HMGCS1: variants seen among roughly 807,000 people sequenced by gnomAD.
HMGCS1 encodes the protein 3-hydroxy-3-methylglutaryl-CoA synthase 1.
A neutral mutation model predicts 52.3 loss-of-function variants in HMGCS1; 9 were observed. The ratio of observed to expected loss-of-function variants is 0.17; its 90% CI spans 0.10 to 0.30. The LOEUF is 0.30. HMGCS1 is among the 10% of genes least tolerant of loss of function. HMGCS1 has a pLI of 1.00. For missense variants in HMGCS1, 320 were observed against 620.9 expected (o/e 0.52, Z 5.15); for synonymous variants, 176 against 214.4 (o/e 0.82, Z 1.57).
In HMGCS1 at chr5:43,298,032, TTTGGCCCAA is replaced by T; in HGVS notation, c.542_550del (p.Ile181_Pro183del). ...ACCTCGTTCAAAAATTAAAGGAGCA[TTTGGCCCAA>T]TTAGCAGAGCTACTGCTCCAACTCC... On this transcript the variant is annotated inframe_deletion, in exon 4 of 11. Coordinates refer to ENST00000325110, the MANE Select transcript of HMGCS1 (RefSeq NM_001098272.3). This position sits in a 1 kb window ranked among gnomAD's most constrained non-coding sequence, Gnocchi z 5.6. 3 of 1,613,834 alleles carry T rather than the reference TTTGGCCCAA, an allele frequency of 1.9e-6. No homozygotes were observed. The highest frequency in any genetic ancestry group is 2.5e-6 in the Non-Finnish European group (3 of 1,179,894).
chr5:43,299,287 G>A (rs546029629), intron 2 of HMGCS1, among the ~76,000 whole-genome samples: 2 of 152,168 alleles, frequency 1.3e-5, no homozygotes, highest in Non-Finnish European at 2.9e-5. Context: ...GTAAAGAACT[G>A]TAAGATAAAA....
chr5:43,304,802 G>C (rs148834394), intron 2 of HMGCS1, among the ~76,000 whole-genome samples: 1 of 152,172 alleles, frequency 6.6e-6, no homozygotes, highest in Non-Finnish European at 1.5e-5. Context: ...CTCATTCTCT[G>C]AGGGTTTCTG....
In HMGCS1 at chr5:43,298,246, A is replaced by G; in HGVS notation, c.449-112T>C. 1 of 1,009,208 alleles carries G rather than the reference A, an allele frequency of 9.9e-7. No individual in the cohort carries two copies. The highest frequency in any genetic ancestry group is 1.4e-6 in the Non-Finnish European group (1 of 698,622). 62.5% of individuals were successfully genotyped at this position (1,009,208 alleles called of 1,614,324 possible). A position where few individuals can be genotyped will look rare whatever the true frequency, so the allele number is the denominator to read the frequency against. On this transcript the variant is annotated intron_variant, in intron 3 of 10. Transcript: ENST00000325110. The surrounding 1 kb of genome is among the most constrained non-coding windows in gnomAD (Gnocchi z 5.6). ...AATATGCTTTTCCCTTCTTTGATAA[A>G]GAAAGAAAATGCTCTAATTTTTTTT...
intron 1 of HMGCS1, among the ~76,000 whole-genome samples, chr5:43,310,880 C>T (rs1754827400): frequency 6.6e-6 from 1 of 152,198 alleles, no homozygotes. Context: ...CAATCATTCC[C>T]ATATGCACCC....
At position 43,298,485 on chromosome 5, in the gene HMGCS1, T is replaced by C. The variant is rs752633454; in HGVS notation, c.448+33A>G. On this transcript the variant is annotated intron_variant, in intron 3 of 10. Coordinates refer to ENST00000325110, the MANE Select transcript of HMGCS1 (RefSeq NM_001098272.3). This position sits in a 1 kb window ranked among gnomAD's most constrained non-coding sequence, Gnocchi z 5.6. Reference sequence around the variant, plus strand: ...TCTATTGAACCTTAGAAAAAAATTTTGGGGGACGGCGGGGAATAGGCATGT... The same window carrying C: ...TCTATTGAACCTTAGAAAAAAATTTCGGGGGACGGCGGGGAATAGGCATGT... The C allele has an allele frequency of 6.4e-7, 1 of 1,555,552 alleles. No homozygotes were observed.
intron 2 of HMGCS1, among the ~76,000 whole-genome samples, chr5:43,299,859 A>G (rs539426115): frequency 6.6e-6 from 1 of 152,342 alleles, no homozygotes; most frequent in East Asian, 1.9e-4. Context: ...AGGTTGTATT[A>G]GTCAGGAAAA....
chr5:43,290,772 TA>T lies in HMGCS1; in HGVS notation c.*358del, dbSNP rs1753721069. The T allele has an allele frequency of 5.9e-6, 1 of 169,698 alleles. No individual in the cohort carries two copies. Among genetic ancestry groups the T allele is most frequent in the African/African-American group, 2.4e-5 (1 of 42,244 alleles). The allele number at this position is 169,698 out of a possible 1,614,324, so 10.5% of individuals were successfully genotyped here. On this transcript the variant is annotated 3_prime_UTR_variant, in exon 11 of 11. Transcript: ENST00000325110. ...AATTCTTACATGTTAAAAAATTTTT[TA>T]ATTGGAGATTAGTACCTCTGCTTTC... is the stretch of plus-strand genomic sequence containing the variant.
intron 10 of HMGCS1, among the ~76,000 whole-genome samples, chr5:43,291,772 T>C (rs1422101590): frequency 6.6e-6 from 1 of 152,116 alleles, no homozygotes; most frequent in African/African-American, 2.4e-5. Context: ...GTAAAGTGCC[T>C]AGCAGGTAAC....
chr5:43,292,356 A>G, intron 10 of HMGCS1, 118 bp downstream of exon 10: 3 of 700,404 alleles, frequency 4.3e-6, no homozygotes, highest in Non-Finnish European at 7.1e-6. Flanking sequence ...TGGAAATAGT[A>G]CAGCTAGAAT....
chr5:43,288,514 G>A lies in HMGCS1; in HGVS notation c.*2617C>T, dbSNP rs945304759. 2 of 152,146 alleles carry A rather than the reference G, an allele frequency of 1.3e-5. No individual in the cohort carries two copies. Among genetic ancestry groups the A allele is most frequent in the Non-Finnish European group, 2.9e-5 (2 of 68,036 alleles). 9.4% of individuals were successfully genotyped at this position (152,146 alleles called of 1,614,324 possible). A position where few individuals can be genotyped will look rare whatever the true frequency, so the allele number is the denominator to read the frequency against. ...ACTGTGTCACAAGAGGACAGAAAGT[G>A]GCTGTTTGCATCTGTTTGGGTCTAG... On this transcript the variant is annotated 3_prime_UTR_variant, in exon 11 of 11. Transcript: ENST00000325110.
At chr5:43,301,020 T>C (rs150733822) in intron 2 of HMGCS1, among the ~76,000 whole-genome samples, 4 of 152,158 alleles carry the variant, frequency 2.6e-5, no homozygotes, top group South Asian at 2.1e-4. Flanking sequence ...GGTAACAACA[T>C]TGAGAACCAC....
chr5:43,304,532 G>A (rs565326479), intron 2 of HMGCS1, among the ~76,000 whole-genome samples: 2 of 152,230 alleles, frequency 1.3e-5, no homozygotes, highest in South Asian at 4.1e-4. Flanking sequence ...ATAATGCAAG[G>A]CTTCCATTTC....
rs56257144 is a variant in HMGCS1, at chr5:43,294,090, C to T, written c.1149G>A (p.Leu383=). 179,644 of 1,610,592 alleles carry T rather than the reference C, an allele frequency of 0.11. 11,220 individuals are homozygous for T. Among genetic ancestry groups the T allele is most frequent in the Middle Eastern group, 0.19 (1,120 of 6,044 alleles). The change falls in exon 8 of 11, where the codon CTG becomes CTA. Residue 383 remains leucine (L), a synonymous_variant. Transcript: ENST00000325110. ...CATCTTGTGTGACTTTAAGAGAGTACAGAGTGGCAGCCAAACCAGAACCAT... is the reference window on the plus strand; with the variant it reads ...CATCTTGTGTGACTTTAAGAGAGTATAGAGTGGCAGCCAAACCAGAACCAT... ...FSYGSGLAAT[L]YSLKVTQDAT...
At position 43,303,188 on chromosome 5, in the gene HMGCS1, A is replaced by G. The variant is rs543592140; in HGVS notation, c.-10-4213T>C. Among the ~76,000 whole-genome samples the G allele has an allele frequency of 5.3e-5, 8 of 152,374 alleles. No individual in the cohort carries two copies. In the South Asian group the frequency reaches 1.7e-3, roughly 32 times the overall value. ...GTGCTTCAACTGTGTTACTTCCCAA[A>G]TATCTGCCTGAATTATGGATTGAAA... On this transcript the variant is annotated intron_variant, in intron 2 of 10. Coordinates refer to ENST00000325110, the MANE Select transcript of HMGCS1 (RefSeq NM_001098272.3).
At chr5:43,307,731 A>G (rs1011297872) in intron 2 of HMGCS1, 35 bp downstream of exon 2, 1 of 152,230 alleles carries the variant, frequency 6.6e-6, no homozygotes, top group African/African-American at 2.4e-5. Flanking sequence ...TTAGAGAGGA[A>G]TACTTTCCTT....
rs1753740553 is a variant in HMGCS1, at chr5:43,291,096, A to AC, written c.*34dup. 2 of 447,198 alleles carry AC rather than the reference A, an allele frequency of 4.5e-6. No individual in the cohort carries two copies. The highest frequency in any genetic ancestry group is 8.9e-6 in the Non-Finnish European group (2 of 225,676). 27.7% of individuals were successfully genotyped at this position (447,198 alleles called of 1,614,324 possible). On this transcript the variant is annotated 3_prime_UTR_variant, in exon 11 of 11. Coordinates refer to ENST00000325110, the MANE Select transcript of HMGCS1 (RefSeq NM_001098272.3). ...GTTCCCATACCCCCACCCCATGCCC[A>AC]CCCCACCCTGAAGTCTTGCACCTCA...
chr5:43,289,134 G>A lies in HMGCS1; in HGVS notation c.*1997C>T, dbSNP rs1753622024. 1 of 152,082 alleles carries A rather than the reference G, an allele frequency of 6.6e-6. No homozygotes were observed. The highest frequency in any genetic ancestry group is 1.5e-5 in the Non-Finnish European group (1 of 68,022). 9.4% of individuals were successfully genotyped at this position (152,082 alleles called of 1,614,324 possible). On this transcript the variant is annotated 3_prime_UTR_variant, in exon 11 of 11. Transcript: ENST00000325110. ...AGTTAATTTCTTTGTTTCAAGTGTA[G>A]GAATAATTATCAGTGTAAATTCCTC... is the stretch of plus-strand genomic sequence containing the variant.
chr5:43,299,162 T>C (rs902137156), intron 2 of HMGCS1, among the ~76,000 whole-genome samples, 187 bp from the exon 3 acceptor site: 3 of 152,210 alleles, frequency 2.0e-5, no homozygotes, highest in Non-Finnish European at 2.9e-5. Context: ...TGGAATATTA[T>C]CATTTAAAAT....
At chr5:43,295,994 A>G (rs1300262543) in intron 5 of HMGCS1, 77 bp from the exon 6 acceptor site, 27 of 1,082,294 alleles carry the variant, frequency 2.5e-5, no homozygotes, top group Non-Finnish European at 3.4e-5. Flanking sequence ...GAATAAAGCT[A>G]GGATATTTGT....
Sources: allele counts gnomAD v4.1 joint callset (sites outside exome capture counted in the v4.1 genomes callset), GRCh38; gene constraint gnomAD v4.1.1; non-coding constraint Gnocchi (gnomAD v3.1); transcripts MANE v1.5; gene names NCBI Gene and HGNC (gene_info 2026-07-23, HGNC 2026-07-21).